COP1: variants seen among roughly 807,000 people sequenced by gnomAD.
COP1 encodes COP1 E3 ubiquitin ligase.
A neutral mutation model predicts 101.3 loss-of-function variants in COP1; 24 were observed. The observed-to-expected ratio is 0.24, with a 90% CI of 0.17 to 0.33. The LOEUF (loss-of-function observed/expected upper bound fraction) is 0.33. Among genes scored for constraint, COP1 ranks in the 10% least tolerant of loss-of-function variants. The probability of loss-of-function intolerance (pLI) is 1.00; values close to 1 mark genes in which losing one functional copy is unlikely to be tolerated. For synonymous variants in COP1, 347 were observed against 341.9 expected (o/e 1.01, Z -0.17); for missense variants, 663 against 906.2 (o/e 0.73, Z 3.45).
At chr1:176,126,582 G>A (rs900471389) in intron 8 of COP1, among the ~76,000 whole-genome samples, 3 of 151,862 alleles carry the variant, frequency 2.0e-5, no homozygotes, top group East Asian at 1.9e-4. Flanking sequence ...TCAGCCTCCC[G>A]AGTAGCTGGG....
intron 18 of COP1, among the ~76,000 whole-genome samples, chr1:175,960,800 G>A (rs565237187): frequency 9.2e-5 from 14 of 152,252 alleles, no homozygotes; most frequent in African/African-American, 3.4e-4. Context: ...ACAGTGTGAT[G>A]GGTAATTTTA....
intron 9 of COP1, among the ~76,000 whole-genome samples, chr1:176,100,959 T>C (rs1221853408): frequency 4.6e-5 from 7 of 151,984 alleles, no homozygotes; most frequent in African/African-American, 1.5e-4. Context: ...CAGAGGCAGA[T>C]GATAACAGAA....
chr1:176,159,578 T>C (rs748574755), intron 5 of COP1, among the ~76,000 whole-genome samples: 15 of 152,252 alleles, frequency 9.9e-5, no homozygotes, highest in Admixed American at 5.9e-4. Flanking sequence ...TGCCCATCAA[T>C]AGAATAATAG....
intron 2 of COP1, 79 bp downstream of exon 2, chr1:176,184,554 A>C: frequency 8.3e-7 from 1 of 1,204,548 alleles, no homozygotes; most frequent in Non-Finnish European, 1.2e-6. Context: ...GGTTTAAAAC[A>C]CGTAACTTCT....
At chr1:176,193,976 G>A (rs1389598336) in intron 1 of COP1, among the ~76,000 whole-genome samples, 1 of 152,064 alleles carries the variant, frequency 6.6e-6, no homozygotes, top group African/African-American at 2.4e-5. Flanking sequence ...AAGGAACAGA[G>A]AACTAACACT....
chr1:176,105,396 T>C (rs1572261039), intron 9 of COP1, among the ~76,000 whole-genome samples: 1 of 152,204 alleles, frequency 6.6e-6, no homozygotes, highest in South Asian at 2.1e-4. Flanking sequence ...CCTTTGAATA[T>C]ACTATATTTT....
intron 9 of COP1, among the ~76,000 whole-genome samples, chr1:176,114,500 A>G (rs569533024): frequency 6.6e-6 from 1 of 152,132 alleles, no homozygotes; most frequent in Admixed American, 6.5e-5. Flanking sequence ...TTTTTCAAAT[A>G]AAGTGAATAT....
chr1:176,052,198 A>G (rs956058570), intron 11 of COP1, among the ~76,000 whole-genome samples: 18 of 152,168 alleles, frequency 1.2e-4, no homozygotes, highest in Non-Finnish European at 1.9e-4. Flanking sequence ...ATTGTGTTAA[A>G]GCTACCTACA....
intron 11 of COP1, among the ~76,000 whole-genome samples, chr1:176,068,777 T>C (rs1417026665): frequency 6.6e-6 from 1 of 152,210 alleles, no homozygotes; most frequent in Non-Finnish European, 1.5e-5. Context: ...TAATTGAATA[T>C]ATGTGAATAA....
intron 9 of COP1, among the ~76,000 whole-genome samples, chr1:176,112,028 A>G (rs1685378661): frequency 6.6e-6 from 1 of 152,224 alleles, no homozygotes; most frequent in African/African-American, 2.4e-5. Context: ...GAGATTAGTC[A>G]GCTCTTCTTC....
At chr1:175,993,578 C>A (rs1183199506) in intron 15 of COP1, among the ~76,000 whole-genome samples, 1 of 152,086 alleles carries the variant, frequency 6.6e-6, no homozygotes, top group African/African-American at 2.4e-5. Context: ...AGCCAAGGCT[C>A]GAGAACTACG....
At position 176,057,387 on chromosome 1, in the gene COP1, G is replaced by A. The variant is rs367704967; in HGVS notation, c.1278-11063C>T. On this transcript the variant is annotated intron_variant, in intron 11 of 19. Transcript: ENST00000367669. ...CCACGATCTCCCTCTGATGCCGAGC[G>A]GAAGCTGAACTGTACTGCTGCCATC... Among the ~76,000 whole-genome samples the A allele has an allele frequency of 5.3e-4, 81 of 152,194 alleles. No individual in the cohort carries two copies. The South Asian group carries it at 0.016, about 30-fold the overall frequency.
At chr1:176,000,331 C>T (rs1256767622) in intron 15 of COP1, among the ~76,000 whole-genome samples, 2 of 151,614 alleles carry the variant, frequency 1.3e-5, no homozygotes, top group African/African-American at 4.8e-5. Flanking sequence ...ATCCAGTTTT[C>T]CCACTGGCAT....
At chr1:176,177,216 C>A (rs1697079315) in intron 2 of COP1, among the ~76,000 whole-genome samples, 1 of 151,724 alleles carries the variant, frequency 6.6e-6, no homozygotes, top group Admixed American at 6.6e-5. Flanking sequence ...AGAAAATTTT[C>A]CCTTTCTTAC....
chr1:175,984,071 GC>G (rs1253550073), intron 18 of COP1, among the ~76,000 whole-genome samples: 2 of 152,224 alleles, frequency 1.3e-5, no homozygotes, highest in African/African-American at 2.4e-5. Flanking sequence ...CAAGCTGGCT[GC>G]AGAAATTTGC....
At chr1:176,084,768 A>G (rs1476093691) in intron 10 of COP1, among the ~76,000 whole-genome samples, 2 of 152,208 alleles carry the variant, frequency 1.3e-5, no homozygotes, top group Non-Finnish European at 2.9e-5. Flanking sequence ...GATCTAAGCA[A>G]TATGTAGATT....
intron 8 of COP1, among the ~76,000 whole-genome samples, chr1:176,130,509 A>G (rs984709525): frequency 3.3e-5 from 5 of 151,860 alleles, no homozygotes; most frequent in African/African-American, 9.7e-5. Flanking sequence ...GATTAATTCT[A>G]CGGAAAGTCT....
At chr1:176,168,502 AAGGGAGGG>A (rs34528132) in intron 3 of COP1, among the ~76,000 whole-genome samples, 17 of 106,588 alleles carry the variant, frequency 1.6e-4, no homozygotes, top group East Asian at 1.5e-3. Context: ...GGGAAGAAGG[AAGGGAGGG>A]AGGGAGGGAG....
chr1:176,113,126 T>C (rs7514044), intron 9 of COP1, among the ~76,000 whole-genome samples: 1,541 of 152,254 alleles, frequency 0.01, 24 homozygotes, highest in African/African-American at 0.035. Context: ...GGAACCTCCA[T>C]ACTCTTTTTC....
Sources: gnomAD v4.1 joint callset for allele counts (sites outside exome capture counted in the v4.1 genomes callset) on GRCh38, gnomAD v4.1.1 for gene constraint, MANE v1.5 for transcripts, NCBI Gene and HGNC (gene_info 2026-07-23, HGNC 2026-07-21) for gene names.